ABCC1: variants seen among roughly 807,000 people sequenced by gnomAD.
The protein encoded by ABCC1 is ATP binding cassette subfamily C member 1 (ABCC1 blood group), also known as multidrug resistance-associated protein 1.
In ABCC1, 83 loss-of-function variants were observed where a neutral mutation model predicts 172.9. The observed-to-expected ratio is 0.48, with a 90% CI of 0.40 to 0.58. ABCC1 has a LOEUF of 0.58. Ranked by LOEUF, ABCC1 falls within the 20% of genes least tolerant of loss-of-function variation. ABCC1 has a pLI of 0.00. For missense variants in ABCC1, 1,817 were observed against 2,002.7 expected (o/e 0.91, Z 1.77); for synonymous variants, 937 against 825.2 (o/e 1.14, Z -2.32).
chr16:16,067,503 C>T (rs772612714), intron 12 of ABCC1, among the ~76,000 whole-genome samples: 11 of 152,094 alleles, frequency 7.2e-5, no homozygotes, highest in Non-Finnish European at 1.3e-4. Context: ...CAAATAAACA[C>T]CCTACATAAG....
intron 1 of ABCC1, among the ~76,000 whole-genome samples, chr16:16,002,771 C>CA (rs34530270): frequency 0.1 from 12,902 of 129,234 alleles, 682 homozygotes; most frequent in African/African-American, 0.12. Context: ...GACCTTGTCT[C>CA]AAAAAAAAAA....
Position 16,049,469 on chromosome 16 carries a change from T to C in ABCC1, c.1380+1166T>C, listed in dbSNP as rs116653484. On this transcript the variant is annotated intron_variant, in intron 10 of 30. Coordinates refer to ENST00000399410, the MANE Select transcript of ABCC1 (RefSeq NM_004996.4). The stretch of plus-strand genomic sequence containing the variant: ...GCAAAGAGGCTCATAGCACAACACA[T>C]GCCTTGTGCTTTGCTACCTCTGGAT... Among the ~76,000 whole-genome samples the C allele has an allele frequency of 2.9e-3, 444 of 152,254 alleles. 1 individual carries two copies. The highest frequency in any genetic ancestry group is 9.6e-3 in the African/African-American group (401 of 41,560).
At chr16:15,975,500 T>G (rs1179143641) in intron 1 of ABCC1, among the ~76,000 whole-genome samples, 1 of 152,146 alleles carries the variant, frequency 6.6e-6, no homozygotes, top group Non-Finnish European at 1.5e-5. Context: ...TGGATTGCTC[T>G]TCAGATAGAT....
chr16:15,977,361 GC>G (rs2046517498), intron 1 of ABCC1, among the ~76,000 whole-genome samples: 1 of 152,010 alleles, frequency 6.6e-6, no homozygotes, highest in African/African-American at 2.4e-5. Context: ...AGCTGTATTG[GC>G]CATCTGGTCC....
At chr16:16,074,158 G>C (rs752747960) in intron 14 of ABCC1, among the ~76,000 whole-genome samples, 5 of 152,158 alleles carry the variant, frequency 3.3e-5, no homozygotes, top group Non-Finnish European at 5.9e-5. Flanking sequence ...CCTGTGCACT[G>C]TGGGATGTTG....
chr16:16,129,377 G>C (rs183309258), intron 26 of ABCC1, among the ~76,000 whole-genome samples: 1 of 151,576 alleles, frequency 6.6e-6, no homozygotes, highest in South Asian at 2.1e-4. Flanking sequence ...GGCCAGGCGC[G>C]GTGGCTCACG....
intron 15 of ABCC1, among the ~76,000 whole-genome samples, chr16:16,077,955 C>T (rs564831297): frequency 2.0e-5 from 3 of 152,096 alleles, no homozygotes; most frequent in Non-Finnish European, 4.4e-5. Flanking sequence ...GTCAGCAGTT[C>T]GAGACCAGCC....
chr16:16,139,224 G>GA (rs1472751762), intron 30 of ABCC1, among the ~76,000 whole-genome samples: 1 of 152,224 alleles, frequency 6.6e-6, no homozygotes, highest in African/African-American at 2.4e-5. Flanking sequence ...TTGCCAAGGA[G>GA]ACGGGATAGC....
chr16:16,123,179 C>A (rs939394142), intron 24 of ABCC1, among the ~76,000 whole-genome samples: 1 of 152,146 alleles, frequency 6.6e-6, no homozygotes, highest in African/African-American at 2.4e-5. Context: ...GAGTTTGTCA[C>A]AATCTGGCTG....
intron 1 of ABCC1, among the ~76,000 whole-genome samples, chr16:16,000,756 A>G (rs1184256343): frequency 6.6e-6 from 1 of 152,208 alleles, no homozygotes; most frequent in Non-Finnish European, 1.5e-5. Flanking sequence ...TACTGTGCCT[A>G]GCCAGATTAT....
At chr16:16,029,606 G>T (rs1001196174) in intron 5 of ABCC1, among the ~76,000 whole-genome samples, 1 of 152,178 alleles carries the variant, frequency 6.6e-6, no homozygotes, top group African/African-American at 2.4e-5. Flanking sequence ...TATTTTAAAT[G>T]ACTTTTTATT....
At chr16:16,069,176 ATAAAT>A (rs1567369036) in intron 13 of ABCC1, among the ~76,000 whole-genome samples, 2 of 98,932 alleles carry the variant, frequency 2.0e-5, no homozygotes, top group African/African-American at 1.1e-4. Flanking sequence ...ATAAAAATAA[ATAAAT>A]AAATAAATAA....
intron 5 of ABCC1, among the ~76,000 whole-genome samples, chr16:16,020,110 T>C (rs569664594): frequency 1.3e-5 from 2 of 152,224 alleles, no homozygotes; most frequent in South Asian, 4.2e-4. Flanking sequence ...TTAGTAGAGA[T>C]GGGGTTTCAC....
intron 21 of ABCC1, among the ~76,000 whole-genome samples, chr16:16,110,297 T>G (rs973103143): frequency 1.3e-5 from 2 of 152,178 alleles, no homozygotes; most frequent in Non-Finnish European, 2.9e-5. Context: ...TTGGCCAGGC[T>G]GGTCTCGGAT....
intron 1 of ABCC1, among the ~76,000 whole-genome samples, chr16:15,997,381 G>A (rs2047094209): frequency 6.6e-6 from 1 of 152,162 alleles, no homozygotes; most frequent in Non-Finnish European, 1.5e-5. Flanking sequence ...GTGAGCCACC[G>A]CGCCCAGCCG....
chr16:16,106,793 A>G lies in ABCC1; in HGVS notation c.2791A>G (p.Thr931Ala). The change falls in exon 21 of 31, where the codon ACC (threonine) becomes GCC (alanine). Residue 931 changes from threonine (T) to alanine (A), a missense_variant. Physicochemically the swap from Thr to Ala is moderately conservative, Grantham distance 58. Around this residue, in one of 3 missense-constraint regions of ABCC1, gnomAD observed 1,412 missense variants for 1,600.3 expected, o/e 0.88. Transcript: ENST00000399410. ...GGACATCAGCAGGCACCACAACAGC[A>G]CCGCAGAACTGCAGAAAGCTGAGGC... ...SGDISRHHNS[T>A]AELQKAEAKK... 2 of 1,614,118 alleles carry G rather than the reference A, an allele frequency of 1.2e-6. No individual in the cohort carries two copies. The highest frequency in any genetic ancestry group is 1.6e-4 in the Middle Eastern group (1 of 6,062).
chr16:16,108,750 C>G (rs1330383825), intron 21 of ABCC1, among the ~76,000 whole-genome samples: 4 of 151,934 alleles, frequency 2.6e-5, no homozygotes, highest in African/African-American at 4.8e-5. Context: ...TGTGCACCCC[C>G]ACGCTTGACT....
intron 1 of ABCC1, among the ~76,000 whole-genome samples, chr16:15,999,070 G>C (rs1233529059): frequency 2.0e-5 from 3 of 152,012 alleles, no homozygotes; most frequent in Non-Finnish European, 2.9e-5. Flanking sequence ...CTGCGATCTC[G>C]GCTCACTGCA....
chr16:16,100,747 C>T (rs932250638), intron 19 of ABCC1, among the ~76,000 whole-genome samples: 1 of 152,192 alleles, frequency 6.6e-6, no homozygotes, highest in Admixed American at 6.5e-5. Flanking sequence ...ACTTGCTGTG[C>T]CAGGCACTGC....
Sources: gnomAD v4.1 joint callset for allele counts (sites outside exome capture counted in the v4.1 genomes callset) on GRCh38, gnomAD v4.1.1 for gene constraint, gnomAD v4.1.1 regional missense constraint, MANE v1.5 for transcripts, NCBI Gene and HGNC (gene_info 2026-07-23, HGNC 2026-07-21) for gene names.